NKAIN4: variants seen among roughly 807,000 people sequenced by gnomAD.
NKAIN4 encodes sodium/potassium-transporting ATPase subunit beta-1-interacting protein 4.
Under a neutral mutation model 28.8 loss-of-function variants are expected in NKAIN4, and 28 were observed. The ratio of observed to expected loss-of-function variants is 0.97; its 90% CI spans 0.72 to 1.33. The LOEUF (loss-of-function observed/expected upper bound fraction) is 1.33. Among genes scored for constraint, NKAIN4 ranks in the 40% most tolerant of loss-of-function variants. The pLI is 0.00. For missense variants in NKAIN4, 289 were observed against 277.2 expected, an observed-to-expected ratio of 1.04 and a Z score of -0.30; for synonymous variants, 122 against 115.6, an observed-to-expected ratio of 1.06 and a Z score of -0.36.
chr20:63,242,768 G>T, intron 5 of NKAIN4, 145 bp from the exon 6 acceptor site: 1 of 259,380 alleles, frequency 3.9e-6, no homozygotes, highest in South Asian at 3.3e-5. Flanking sequence ...ACAGCAGAGG[G>T]AACATGGCCT....
At chr20:63,246,970 T>G in intron 4 of NKAIN4, 4 of 993,232 alleles carry the variant, frequency 4.0e-6, no homozygotes, top group Non-Finnish European at 4.8e-6. Context: ...TACCAACCCG[T>G]GCAGGGCCGG....
intron 3 of NKAIN4, 105 bp downstream of exon 3, chr20:63,248,710 C>A: frequency 1.3e-6 from 1 of 741,008 alleles, no homozygotes. Flanking sequence ...ACAGACTGAG[C>A]CCCTGCCTCA....
intron 1 of NKAIN4, among the ~76,000 whole-genome samples, chr20:63,250,939 T>TCCC (rs1206802444): frequency 1.9e-4 from 9 of 47,182 alleles, no homozygotes; most frequent in Non-Finnish European, 2.8e-4. Context: ...CCATCCCCCA[T>TCCC]CCCCCATCCC....
Position 63,241,373 on chromosome 20 carries a change from G to A in NKAIN4, c.*124C>T, listed in dbSNP as rs2066747322. ...GTCCAGTACTTAGAACCCAGGGCAG[G>A]TGCTGCCGGCCGCCTGGGGGGTGCT... On this transcript the variant is annotated 3_prime_UTR_variant, in exon 7 of 7. Transcript: ENST00000370316. 1.0e-6 allele frequency: 1 copy of A among 995,662 alleles called. No individual in the cohort carries two copies. The allele number at this position is 995,662 out of a possible 1,614,324, so 61.7% of individuals were successfully genotyped here.
chr20:63,247,227 T>C, intron 4 of NKAIN4: 1 of 1,209,592 alleles, frequency 8.3e-7, no homozygotes. Context: ...GATGGGTTTG[T>C]CAGGAAGATG....
chr20:63,253,762 G>T (rs1227802188), intron 1 of NKAIN4, among the ~76,000 whole-genome samples: 1 of 152,142 alleles, frequency 6.6e-6, no homozygotes, highest in East Asian at 1.9e-4. Context: ...CGACACCGAA[G>T]ACGCCCGCGC....
rs542608719 is a variant in NKAIN4 at position 63,253,075 on chromosome 20, C to T, written c.54+1322G>A. ...CTGGCCATGCTCCAAACTGGGGTAC[C>T]GTCCAGGCTGGTGCCTGTCCTTCAT... On this transcript the variant is annotated intron_variant, in intron 1 of 6. Coordinates refer to ENST00000370316, the MANE Select transcript of NKAIN4 (RefSeq NM_152864.4). 12 of 358,232 alleles carry T rather than the reference C, an allele frequency of 3.3e-5. No individual in the cohort carries two copies. In the South Asian group the frequency reaches 1.1e-3, roughly 33 times the overall value. 22.2% of individuals were successfully genotyped at this position (358,232 alleles called of 1,614,324 possible).
At chr20:63,249,856 C>T (rs2066924477) in intron 2 of NKAIN4, 79 bp downstream of exon 2, 2 of 1,467,686 alleles carry the variant, frequency 1.4e-6, no homozygotes, top group African/African-American at 2.8e-5. Flanking sequence ...GGAAAATATG[C>T]CAGGATGGTG....
intron 1 of NKAIN4, among the ~76,000 whole-genome samples, chr20:63,251,178 G>C (rs1469826034): frequency 6.6e-6 from 1 of 152,098 alleles, no homozygotes; most frequent in Non-Finnish European, 1.5e-5. Context: ...GAGAGAGAGA[G>C]AGAGACAGCT....
chr20:63,251,642 T>C (rs577697967), intron 1 of NKAIN4, among the ~76,000 whole-genome samples: 2 of 152,302 alleles, frequency 1.3e-5, no homozygotes, highest in Admixed American at 6.5e-5. Context: ...AGCTCCTATC[T>C]CTGTATGGCC....
At chr20:63,244,454 C>T (rs1238603809) in intron 4 of NKAIN4, 1 of 485,642 alleles carries the variant, frequency 2.1e-6, no homozygotes, top group Admixed American at 2.3e-5. Flanking sequence ...GCCCTGCGTC[C>T]CCTCGGGCCT....
chr20:63,249,126 G>A, intron 2 of NKAIN4: 2 of 531,288 alleles, frequency 3.8e-6, no homozygotes, highest in Non-Finnish European at 6.8e-6. Context: ...CGGTGGGACA[G>A]CCAGCTCAAG....
chr20:63,253,694 G>A (rs2067001013), intron 1 of NKAIN4, among the ~76,000 whole-genome samples: 1 of 152,160 alleles, frequency 6.6e-6, no homozygotes, highest in Non-Finnish European at 1.5e-5. Flanking sequence ...AGGCGTCCCA[G>A]GGAGCTTCGG....
At chr20:63,242,906 T>G (rs1601272361) in intron 5 of NKAIN4, among the ~76,000 whole-genome samples, 1 of 123,738 alleles carries the variant, frequency 8.1e-6, no homozygotes, top group African/African-American at 3.2e-5. Context: ...ACGGCAGGGG[T>G]AGGACAGCCC....
intron 1 of NKAIN4, chr20:63,253,233 G>C: frequency 1.0e-6 from 1 of 985,396 alleles, no homozygotes; most frequent in Non-Finnish European, 1.2e-6. Context: ...GATACCAACT[G>C]TTCCAAGGCC....
chr20:63,250,211 G>T, intron 1 of NKAIN4, 139 bp from the exon 2 acceptor site: 1 of 954,886 alleles, frequency 1.0e-6, no homozygotes, highest in Non-Finnish European at 1.5e-6. Context: ...TTTGACGAAG[G>T]ACACCAGGGC....
At position 63,250,045 on chromosome 20, in the gene NKAIN4, C is replaced by CA. The variant is rs775737748; in HGVS notation, c.81dup (p.Asp28Ter). 3.1e-5 allele frequency: 50 copies of CA among 1,592,304 alleles called. No individual in the cohort carries two copies. In the South Asian group the frequency reaches 5.3e-4, roughly 17 times the overall value. ...GGCGCCCACTGGTAGCCCAGGAAGT[C>CA]AAACACCTGCCTCTCCAGGGCGGCG... On this transcript the variant is annotated frameshift_variant, in exon 2 of 7. Transcript: ENST00000370316. LOFTEE classifies it high-confidence loss of function.
intron 1 of NKAIN4, chr20:63,253,240 G>A: frequency 1.0e-6 from 1 of 985,408 alleles, no homozygotes; most frequent in Non-Finnish European, 1.2e-6. Context: ...ACTGTTCCAA[G>A]GCCTGGGATG....
At chr20:63,254,075 TG>T in intron 1 of NKAIN4, 2 of 353,436 alleles carry the variant, frequency 5.7e-6, no homozygotes, top group Non-Finnish European at 1.1e-5. Context: ...CCCCAGGCGA[TG>T]GGGTCCAGGC....
Sources: allele counts gnomAD v4.1 joint callset (sites outside exome capture counted in the v4.1 genomes callset), GRCh38; gene constraint gnomAD v4.1.1; transcripts MANE v1.5; gene names NCBI Gene and HGNC (gene_info 2026-07-23, HGNC 2026-07-21).